Variants in KYAT3 observed in about 807,000 individuals in gnomAD.
The protein encoded by KYAT3 is kynurenine aminotransferase 3.
Under a neutral mutation model 59.0 loss-of-function variants are expected in KYAT3, and 50 were observed. The ratio of observed to expected loss-of-function variants is 0.85; its 90% CI spans 0.68 to 1.07. The LOEUF is 1.07. Among genes scored for constraint, KYAT3 ranks in the 50% least tolerant of loss-of-function variants. The pLI is 0.00. For synonymous variants in KYAT3, 148 were observed against 177.0 expected, an observed-to-expected ratio of 0.84 and a Z score of 1.30; for missense variants, 497 against 533.3, an observed-to-expected ratio of 0.93 and a Z score of 0.67.
chr1:88,924,842 G>T, the KYAT3 span, among the ~76,000 whole-genome samples: 1 of 152,156 alleles, frequency 6.6e-6, no homozygotes, highest in South Asian at 2.1e-4. Context: ...TAGTCACTGG[G>T]TTCCATGGTT....
At chr1:88,985,868 G>C (rs1677420088) in intron 2 of KYAT3, among the ~76,000 whole-genome samples, 1 of 152,144 alleles carries the variant, frequency 6.6e-6, no homozygotes, top group African/African-American at 2.4e-5. Flanking sequence ...ATGTACAAAA[G>C]GTGATACTTT....
chr1:88,941,233 G>T (rs1050046487), intron 13 of KYAT3, among the ~76,000 whole-genome samples: 6 of 152,164 alleles, frequency 3.9e-5, no homozygotes, highest in African/African-American at 1.4e-4. Context: ...TTGTTAGGTT[G>T]TTAATATTTA....
intron 2 of KYAT3, among the ~76,000 whole-genome samples, chr1:88,975,863 C>T (rs572108833): frequency 2.1e-4 from 32 of 151,176 alleles, no homozygotes; most frequent in African/African-American, 7.3e-4. Context: ...GGTAAAACCC[C>T]GTCTCTACTA....
At chr1:88,957,367 A>G (rs1675961461) in intron 8 of KYAT3, among the ~76,000 whole-genome samples, 1 of 152,218 alleles carries the variant, frequency 6.6e-6, no homozygotes, top group African/African-American at 2.4e-5. Context: ...CTATTTGATC[A>G]GAGAAAATCT....
intron 13 of KYAT3, among the ~76,000 whole-genome samples, chr1:88,942,597 C>G (rs1315064883): frequency 3.9e-5 from 6 of 151,936 alleles, no homozygotes; most frequent in Middle Eastern, 3.2e-3. Context: ...GAGTCGCGCT[C>G]TGTTGCCCAG....
chr1:88,936,296 GA>G (rs779192979), intron 13 of KYAT3, 51 bp from the exon 14 acceptor site: 1 of 1,257,494 alleles, frequency 8.0e-7, no homozygotes, highest in East Asian at 2.4e-5. Flanking sequence ...ATAAATTCAA[GA>G]TGAAGCAAAG....
the KYAT3 span, among the ~76,000 whole-genome samples, chr1:88,926,151 A>G: frequency 7.9e-5 from 12 of 152,372 alleles, no homozygotes; most frequent in African/African-American, 2.9e-4. Context: ...TCAAAAAAGC[A>G]AACAGGTAGC....
intron 2 of KYAT3, chr1:88,983,602 A>G: frequency 6.2e-7 from 1 of 1,614,162 alleles, no homozygotes; most frequent in Non-Finnish European, 8.5e-7. Context: ...TGGCTTTTCC[A>G]TCTAATGACT....
downstream of KYAT3, among the ~76,000 whole-genome samples, chr1:88,932,821 A>G (rs1259441756): frequency 6.6e-6 from 1 of 152,146 alleles, no homozygotes; most frequent in Non-Finnish European, 1.5e-5. Context: ...ATTTAAAAAA[A>G]TGGAACAACA....
At chr1:88,949,981 G>T (rs1675609276) in intron 10 of KYAT3, among the ~76,000 whole-genome samples, 1 of 152,154 alleles carries the variant, frequency 6.6e-6, no homozygotes, top group South Asian at 2.1e-4. Context: ...GGGGCCTTTA[G>T]GAAGTGATTA....
At chr1:88,945,305 A>T (rs1194333043) in intron 11 of KYAT3, among the ~76,000 whole-genome samples, 2 of 152,240 alleles carry the variant, frequency 1.3e-5, no homozygotes, top group Non-Finnish European at 2.9e-5. Flanking sequence ...TGACAGTAAG[A>T]GTTTAAATCA....
intron 11 of KYAT3, among the ~76,000 whole-genome samples, chr1:88,947,202 C>A (rs1675477867): frequency 6.6e-6 from 1 of 152,194 alleles, no homozygotes; most frequent in African/African-American, 2.4e-5. Context: ...TCAGTCACAG[C>A]CTGACACCAT....
At chr1:88,955,293 C>A in intron 8 of KYAT3, 68 bp from the exon 9 acceptor site, 1 of 895,486 alleles carries the variant, frequency 1.1e-6, no homozygotes, top group Admixed American at 2.0e-5. Context: ...AATCTAAAAA[C>A]ATAACAAAGA....
At chr1:88,973,673 T>A (rs969198953) in intron 2 of KYAT3, among the ~76,000 whole-genome samples, 5 of 152,216 alleles carry the variant, frequency 3.3e-5, no homozygotes, top group African/African-American at 1.2e-4. Flanking sequence ...ACCTTACTTA[T>A]GCTCACTTGA....
At chr1:88,984,477 T>C (rs1387467269) in intron 2 of KYAT3, among the ~76,000 whole-genome samples, 2 of 152,166 alleles carry the variant, frequency 1.3e-5, no homozygotes, top group African/African-American at 2.4e-5. Flanking sequence ...CTCCCAGTGT[T>C]GGGATTATAA....
Position 88,936,152 on chromosome 1 carries a change from C to T in KYAT3, c.*31G>A. 6.6e-7 allele frequency: 1 copy of T among 1,514,808 alleles called. No individual in the cohort carries two copies. The highest frequency in any genetic ancestry group is 1.2e-5 in the South Asian group (1 of 84,948). 93.8% of individuals were successfully genotyped at this position (1,514,808 alleles called of 1,614,324 possible). A position where few individuals can be genotyped will look rare whatever the true frequency, so the allele number is the denominator to read the frequency against. ...AAGTAACAATTCCATACTAGGTCAT[C>T]TAACAGAAACATTAATCCATTCTGC... On this transcript the variant is annotated 3_prime_UTR_variant, in exon 14 of 14. Coordinates refer to ENST00000260508, the MANE Select transcript of KYAT3 (RefSeq NM_001008661.3).
chr1:88,947,437 C>A (rs1457890277), intron 11 of KYAT3, among the ~76,000 whole-genome samples: 1 of 152,180 alleles, frequency 6.6e-6, no homozygotes, highest in South Asian at 2.1e-4. Context: ...CACACCGGAA[C>A]CTAACTCTCC....
chr1:88,933,541 A>G (rs1674953758), downstream of KYAT3, among the ~76,000 whole-genome samples: 1 of 152,208 alleles, frequency 6.6e-6, no homozygotes, highest in African/African-American at 2.4e-5. Flanking sequence ...ATAGCAGGTT[A>G]GTAGATAGAC....
chr1:88,945,774 T>C (rs1675417467), intron 11 of KYAT3, among the ~76,000 whole-genome samples: 1 of 152,214 alleles, frequency 6.6e-6, no homozygotes, highest in African/African-American at 2.4e-5. Context: ...CAACTTTTAG[T>C]ATATGGAAGA....
Sources: gnomAD v4.1 joint callset for allele counts (sites outside exome capture counted in the v4.1 genomes callset) on GRCh38, gnomAD v4.1.1 for gene constraint, MANE v1.5 for transcripts, NCBI Gene and HGNC (gene_info 2026-07-23, HGNC 2026-07-21) for gene names.